Variants in CHD1L observed in about 807,000 individuals in gnomAD.
CHD1L encodes ATP-dependent chromatin remodeler CHD1L.
A neutral mutation model predicts 115.9 loss-of-function variants in CHD1L; 118 were observed. That is an observed-to-expected ratio of 1.02 (90% confidence interval 0.88 to 1.19). CHD1L has a LOEUF of 1.19. CHD1L is among the 50% of genes most tolerant of loss of function. CHD1L has a pLI of 0.00. For synonymous variants in CHD1L, 411 were observed against 387.1 expected (o/e 1.06, Z -0.72); for missense variants, 1,179 against 1,065.3 (o/e 1.11, Z -1.49).
the CHD1L span, among the ~76,000 whole-genome samples, chr1:147,196,663 C>G: frequency 1.3e-5 from 2 of 151,998 alleles, no homozygotes; most frequent in South Asian, 2.1e-4. Flanking sequence ...ACAGTTATGT[C>G]TTAATTCATA....
the CHD1L span, among the ~76,000 whole-genome samples, chr1:147,184,059 G>A: frequency 6.6e-6 from 1 of 152,084 alleles, no homozygotes; most frequent in African/African-American, 2.4e-5. The surrounding 1 kb of genome is among the most constrained non-coding windows in gnomAD (Gnocchi z 4.4). Context: ...CAAAACTGCT[G>A]AATTAAGTTA....
the CHD1L span, among the ~76,000 whole-genome samples, chr1:147,212,170 G>A: frequency 6.6e-6 from 1 of 152,220 alleles, no homozygotes; most frequent in Non-Finnish European, 1.5e-5. Flanking sequence ...TCCTTGGTGT[G>A]AGGCTAGTTG....
chr1:147,178,366 T>G, the CHD1L span: 1 of 1,612,150 alleles, frequency 6.2e-7, no homozygotes, highest in Non-Finnish European at 8.5e-7. Flanking sequence ...AAAGGCTGAT[T>G]GCACTGCCAA....
chr1:147,191,334 C>T, the CHD1L span, among the ~76,000 whole-genome samples: 1 of 152,146 alleles, frequency 6.6e-6, no homozygotes, highest in South Asian at 2.1e-4. Context: ...TCCACATCCT[C>T]TCCAGCACCT....
At chr1:147,217,023 C>G in the CHD1L span, among the ~76,000 whole-genome samples, 7 of 151,552 alleles carry the variant, frequency 4.6e-5, no homozygotes, top group African/African-American at 1.7e-4. Context: ...GGTAGATCAT[C>G]TGAGGTCGGG....
At chr1:147,249,300 T>C (rs1359354405) in intron 1 of CHD1L, among the ~76,000 whole-genome samples, 1 of 152,128 alleles carries the variant, frequency 6.6e-6, no homozygotes, top group Non-Finnish European at 1.5e-5. Context: ...TGAATAGTTT[T>C]TCCTCTTTAA....
intron 5 of CHD1L, among the ~76,000 whole-genome samples, chr1:147,257,046 A>C (rs1553940937): frequency 6.6e-6 from 1 of 152,186 alleles, no homozygotes; most frequent in Non-Finnish European, 1.5e-5. Flanking sequence ...TGTACCTCTA[A>C]TTAGTTAACC....
chr1:147,287,652 G>A lies in CHD1L; in HGVS notation c.2239G>A (p.Gly747Ser). 1 of 1,613,934 alleles carries A rather than the reference G, an allele frequency of 6.2e-7. No individual in the cohort carries two copies. Among genetic ancestry groups the A allele is most frequent in the Non-Finnish European group, 8.5e-7 (1 of 1,179,928 alleles). Residue 747 changes from glycine (G) to serine (S), a missense_variant, in exon 19 of 23, where the codon GGC (glycine) becomes AGC (serine). Physicochemically the swap from Gly to Ser is moderately conservative, Grantham distance 56. Coordinates refer to ENST00000369258, the MANE Select transcript of CHD1L (RefSeq NM_004284.6). ...TCAAACAGATGACTCTGGCCACTGG[G>A]GCAGAGGTGGTTTATTTACAGCTCT... The part of the protein sequence containing the change: ...VHCVDDSGHW[G>S]RGGLFTALEK...
At chr1:147,274,290 G>T (rs782642584) in intron 12 of CHD1L, among the ~76,000 whole-genome samples, 27 of 152,128 alleles carry the variant, frequency 1.8e-4, no homozygotes, top group Non-Finnish European at 3.4e-4. Flanking sequence ...ATAATGCCTG[G>T]CAAGTAGTAA....
At chr1:147,269,899 G>T (rs1196679056) in intron 10 of CHD1L, among the ~76,000 whole-genome samples, 1 of 152,146 alleles carries the variant, frequency 6.6e-6, no homozygotes, top group Non-Finnish European at 1.5e-5. Flanking sequence ...GAATGTGCAA[G>T]TTAAATAATT....
At chr1:147,214,141 T>G in the CHD1L span, among the ~76,000 whole-genome samples, 1 of 152,096 alleles carries the variant, frequency 6.6e-6, no homozygotes, top group Non-Finnish European at 1.5e-5. Context: ...GACCATAATG[T>G]CTTCATGGAC....
chr1:147,207,594 C>T, the CHD1L span, among the ~76,000 whole-genome samples: 83 of 152,188 alleles, frequency 5.5e-4, 1 homozygote, highest in African/African-American at 1.8e-3. Flanking sequence ...CTGTTGCCCT[C>T]GGGAAAATTA....
chr1:147,213,290 T>C, the CHD1L span: 130 of 1,590,834 alleles, frequency 8.2e-5, no homozygotes, highest in Non-Finnish European at 1.1e-4. Flanking sequence ...GGGTCTTCCT[T>C]CCTGGTAAGC....
At chr1:147,190,182 G>C in the CHD1L span, 1 of 1,604,946 alleles carries the variant, frequency 6.2e-7, no homozygotes, top group Non-Finnish European at 8.5e-7. Context: ...CTTACCTTTT[G>C]TCAATTTCCT....
chr1:147,259,110 T>C (rs1295574628), intron 5 of CHD1L: 1 of 152,212 alleles, frequency 6.6e-6, no homozygotes, highest in Non-Finnish European at 1.5e-5. Flanking sequence ...TTCCCACATA[T>C]ATCTTTTTCT....
At chr1:147,216,643 C>T in the CHD1L span, among the ~76,000 whole-genome samples, 78 of 152,062 alleles carry the variant, frequency 5.1e-4, no homozygotes, top group Non-Finnish European at 8.5e-4. Flanking sequence ...ATTCATAATA[C>T]AAAAATGAGA....
At chr1:147,241,071 C>T (rs375677746), upstream of CHD1L, among the ~76,000 whole-genome samples, 1 of 152,006 alleles carries the variant, frequency 6.6e-6, no homozygotes, top group Non-Finnish European at 1.5e-5. Context: ...CCCTTCACTA[C>T]CTGATTTTTA....
In CHD1L at chr1:147,256,039, G is replaced by T. The variant is rs587731951; in HGVS notation, c.462+112G>T. The T allele has an allele frequency of 1.3e-5, 8 of 610,564 alleles. No individual in the cohort carries two copies. The East Asian group carries it at 2.3e-4, about 18-fold the overall frequency. The allele number at this position is 610,564 out of a possible 1,614,324, so 37.8% of individuals were successfully genotyped here. On this transcript the variant is annotated intron_variant, in intron 4 of 22. Transcript: ENST00000369258. ...TGAGAGCACACACTTTTCTGGGCAG[G>T]GAGTCTACCTTCATCAGATTCTCAA... is the stretch of plus-strand genomic sequence containing the variant.
the CHD1L span, chr1:147,209,163 T>G: frequency 1.3e-6 from 1 of 781,328 alleles, no homozygotes; most frequent in Non-Finnish European, 2.0e-6. Context: ...CTCACGCCTG[T>G]AATCCCAGCA....
Sources: allele counts gnomAD v4.1 joint callset (sites outside exome capture counted in the v4.1 genomes callset), GRCh38; gene constraint gnomAD v4.1.1; non-coding constraint Gnocchi (gnomAD v3.1); transcripts MANE v1.5; gene names NCBI Gene and HGNC (gene_info 2026-07-23, HGNC 2026-07-21).